The following UNC13B variants were observed in gnomAD, a reference collection of about 807,000 sequenced individuals.
UNC13B encodes the protein protein unc-13 homolog B.
UNC13B carries 144 observed loss-of-function variants against 211.0 expected under a neutral mutation model. The observed-to-expected ratio is 0.68, with a 90% CI of 0.60 to 0.78. The LOEUF (loss-of-function observed/expected upper bound fraction) is 0.78, where lower values mean the gene tolerates loss of function less well. UNC13B is among the 30% of genes least tolerant of loss of function. The pLI, the probability that UNC13B is intolerant of heterozygous loss-of-function variation, is 0.00. For missense variants in UNC13B, 1,777 were observed against 2,002.0 expected, an observed-to-expected ratio of 0.89 and a Z score of 2.14; for synonymous variants, 709 against 725.8, an observed-to-expected ratio of 0.98 and a Z score of 0.37.
chr9:35,347,835 T>C (rs1832461988), intron 11 of UNC13B, among the ~76,000 whole-genome samples: 1 of 152,216 alleles, frequency 6.6e-6, no homozygotes, highest in South Asian at 2.1e-4. Flanking sequence ...GAAAGGACTC[T>C]GAACCCAGTG....
At chr9:35,183,868 T>TCGCC (rs1822160109) in intron 1 of UNC13B, among the ~76,000 whole-genome samples, 1 of 135,160 alleles carries the variant, frequency 7.4e-6, no homozygotes, top group African/African-American at 2.8e-5. Flanking sequence ...GAGGCGCTCC[T>TCGCC]TGCCTCCCAG....
chr9:35,371,973 T>A (rs1169470373), intron 13 of UNC13B: 1 of 152,736 alleles, frequency 6.5e-6, no homozygotes, highest in South Asian at 2.1e-4. Flanking sequence ...TCATCCTCTT[T>A]AAAAGTCTGC....
chr9:35,351,271 G>A (rs1031215272), intron 11 of UNC13B: 4 of 1,159,932 alleles, frequency 3.4e-6, no homozygotes, highest in African/African-American at 1.6e-5. Flanking sequence ...TGACCTGAGT[G>A]CACTATTTTC....
chr9:35,332,291 CT>C (rs1300403481), intron 11 of UNC13B, among the ~76,000 whole-genome samples: 1 of 152,204 alleles, frequency 6.6e-6, no homozygotes, highest in African/African-American at 2.4e-5. Flanking sequence ...AAATCTAAAC[CT>C]TCCCTTTTTC....
At chr9:35,344,125 A>T (rs1384611136) in intron 11 of UNC13B, among the ~76,000 whole-genome samples, 1 of 152,094 alleles carries the variant, frequency 6.6e-6, no homozygotes, top group Non-Finnish European at 1.5e-5. Flanking sequence ...AGGGGATGGG[A>T]GCCCTGTCAC....
At chr9:35,390,783 C>T in intron 26 of UNC13B, 69 bp downstream of exon 26, 4 of 1,427,840 alleles carry the variant, frequency 2.8e-6, no homozygotes, top group Non-Finnish European at 3.9e-6. Flanking sequence ...TGTCCCTTTC[C>T]TCTTCTAGAC....
intron 1 of UNC13B, among the ~76,000 whole-genome samples, chr9:35,190,542 T>A (rs1337074415): frequency 1.3e-5 from 2 of 152,102 alleles, no homozygotes; most frequent in Admixed American, 1.3e-4. Flanking sequence ...AAACAGTTTT[T>A]TTTTCTTCCC....
Position 35,396,610 on chromosome 9 carries a change from A to G in UNC13B, c.11435+8A>G. 6.2e-7 allele frequency: 1 copy of G among 1,613,824 alleles called. No individual in the cohort carries two copies. Among genetic ancestry groups the G allele is most frequent in the Non-Finnish European group, 8.5e-7 (1 of 1,179,978 alleles). ...GGTGCCTGAGTACCCAGCGTGAGTC[A>G]TCATGTGGGCACTACAGAGGGAAGG... On this transcript the variant is annotated splice_region_variant and intron_variant, in intron 27 of 39. Transcript: ENST00000635942.
chr9:35,384,150 T>C, intron 21 of UNC13B, 96 bp from the exon 22 acceptor site: 1 of 1,564,016 alleles, frequency 6.4e-7, no homozygotes, highest in Non-Finnish European at 8.7e-7. Context: ...CCCGACTCTT[T>C]CTACTCATCC....
chr9:35,352,591 T>C (rs1832783747), intron 11 of UNC13B: 18 of 1,231,994 alleles, frequency 1.5e-5, no homozygotes, highest in Non-Finnish European at 1.8e-5. Flanking sequence ...CAGGAACATA[T>C]CAGATGAAGG....
intron 8 of UNC13B, among the ~76,000 whole-genome samples, chr9:35,297,561 T>TTTTTTTGTTTTTTTG (rs1554698742): frequency 7.8e-6 from 1 of 128,164 alleles, no homozygotes; most frequent in Non-Finnish European, 1.7e-5. Context: ...TTTTTTTTTT[T>TTTTTTTGTTTTTTTG]TTTTTTGAGA....
chr9:35,230,614 T>C (rs1825144392), intron 2 of UNC13B, among the ~76,000 whole-genome samples: 1 of 152,150 alleles, frequency 6.6e-6, no homozygotes, highest in Non-Finnish European at 1.5e-5. Flanking sequence ...TCTGCAGTTC[T>C]TTATCACTTT....
intron 1 of UNC13B, among the ~76,000 whole-genome samples, chr9:35,167,673 T>C (rs1347049307): frequency 6.8e-6 from 1 of 147,788 alleles, no homozygotes; most frequent in African/African-American, 2.5e-5. Flanking sequence ...CTGCAACCTC[T>C]GCCTCCTGGG....
In UNC13B at chr9:35,291,210, C is replaced by T; in HGVS notation, c.527-4486C>T. 1.3e-5 allele frequency: 14 copies of T among 1,044,584 alleles called. No individual in the cohort carries two copies. In the South Asian group the frequency reaches 1.7e-4, roughly 12 times the overall value. 64.7% of individuals were successfully genotyped at this position (1,044,584 alleles called of 1,614,324 possible). A position where few individuals can be genotyped will look rare whatever the true frequency, so the allele number is the denominator to read the frequency against. Reference sequence around the variant, plus strand: ...TATTCATGCATAGACTTCCATTTCCCTCTCCTCTCCTACTTAAATATCGGG... The same window carrying T: ...TATTCATGCATAGACTTCCATTTCCTTCTCCTCTCCTACTTAAATATCGGG... On this transcript the variant is annotated intron_variant, in intron 7 of 39. Transcript: ENST00000635942.
intron 26 of UNC13B, 49 bp from the exon 27 acceptor site, chr9:35,396,427 C>T: frequency 1.2e-6 from 2 of 1,610,832 alleles, no homozygotes; most frequent in Non-Finnish European, 8.5e-7. Flanking sequence ...GCTCAGGAAC[C>T]ATGGCCTCTA....
rs183067091 is a variant in UNC13B, at chr9:35,258,105, A to G, written c.469-888A>G. Among the ~76,000 whole-genome samples the G allele has an allele frequency of 1.3e-3, 193 of 152,344 alleles. 2 individuals carry two copies. The Middle Eastern group carries it at 0.027, about 21-fold the overall frequency. On this transcript the variant is annotated intron_variant, in intron 6 of 39. Coordinates refer to ENST00000635942, the MANE Select transcript of UNC13B (RefSeq NM_001371189.2). ...TCAATCAATATTTGTTGAGTTAATA[A>G]GTAACTCATTCATTGGCAGTTTTAG...
intron 1 of UNC13B, among the ~76,000 whole-genome samples, chr9:35,170,078 C>T (rs1821251718): frequency 6.6e-6 from 1 of 152,142 alleles, no homozygotes; most frequent in Non-Finnish European, 1.5e-5. Context: ...TTGGAATAAG[C>T]AGAATAAATT....
intron 1 of UNC13B, among the ~76,000 whole-genome samples, chr9:35,189,853 T>A (rs918693848): frequency 3.3e-5 from 5 of 152,098 alleles, no homozygotes; most frequent in Admixed American, 6.6e-5. Flanking sequence ...ATATTTTTAG[T>A]AGAGATGGGG....
At chr9:35,231,044 T>C in intron 2 of UNC13B, 76 bp from the exon 3 acceptor site, 1 of 965,200 alleles carries the variant, frequency 1.0e-6, no homozygotes, top group Non-Finnish European at 1.6e-6. Flanking sequence ...CTATATTGCT[T>C]AATTCCAAGG....
Sources: gnomAD v4.1 joint callset for allele counts (sites outside exome capture counted in the v4.1 genomes callset) on GRCh38, gnomAD v4.1.1 for gene constraint, MANE v1.5 for transcripts, NCBI Gene and HGNC (gene_info 2026-07-23, HGNC 2026-07-21) for gene names.